The following MUC4 variants were observed in gnomAD, a reference collection of about 807,000 sequenced individuals.
MUC4 encodes the protein mucin-4.
A neutral mutation model predicts 257.9 loss-of-function variants in MUC4; 202 were observed. That is an observed-to-expected ratio of 0.78 (90% confidence interval 0.70 to 0.88). MUC4 has a LOEUF of 0.88. Ranked by LOEUF, MUC4 falls within the 40% of genes least tolerant of loss-of-function variation. The pLI, the probability that MUC4 is intolerant of heterozygous loss-of-function variation, is 0.00. For missense variants in MUC4, 5,976 were observed against 6,513.7 expected (o/e 0.92, Z 2.84); for synonymous variants, 2,351 against 2,757.1 (o/e 0.85, Z 4.62).
At chr3:195,758,376 A>C (rs1718077524) in intron 17 of MUC4, among the ~76,000 whole-genome samples, 1 of 152,202 alleles carries the variant, frequency 6.6e-6, no homozygotes, top group Non-Finnish European at 1.5e-5. Context: ...CAAAAAGAGC[A>C]AGAAAGGTAC....
chr3:195,776,894 C>G (rs1424588186), intron 3 of MUC4, among the ~76,000 whole-genome samples: 104 of 3,026 alleles, frequency 0.034, 46 homozygotes, highest in African/African-American at 0.11. Context: ...ACCTTCCACA[C>G]CCTTACCTTC....
rs1281944451 is a variant in MUC4, at chr3:195,789,791, A to G, written c.1789T>C (p.Ser597Pro). 1 of 1,613,906 alleles carries G rather than the reference A, an allele frequency of 6.2e-7. No individual in the cohort carries two copies. The highest frequency in any genetic ancestry group is 8.5e-7 in the Non-Finnish European group (1 of 1,179,840). The change falls in exon 2 of 25, where the codon TCT (serine) becomes CCT (proline). Residue 597 changes from serine to proline, a missense_variant. This residue lies in a region of MUC4 where 1,583 missense variants were observed against 1,257.4 expected (regional missense o/e 1.26). Coordinates refer to ENST00000463781, the MANE Select transcript of MUC4 (RefSeq NM_018406.7). ...TGTCTATCCAGCATAGGTGAAGAAG[A>G]TGGGGATGTGGCCGTTTTTATCATC... ...TQMIKTATSP[S>P]SSPMLDRHTS...
intron 6 of MUC4, chr3:195,769,385 C>T: frequency 1.9e-6 from 1 of 533,608 alleles, no homozygotes; most frequent in Non-Finnish European, 3.3e-6. Context: ...TGGTGACTTT[C>T]TTCCAGGAGG....
At chr3:195,753,299 C>T (rs532802245) in intron 19 of MUC4, 69 bp from the exon 20 acceptor site, 2 of 1,496,204 alleles carry the variant, frequency 1.3e-6, no homozygotes, top group Admixed American at 1.8e-5. Context: ...CCCGTGGAAA[C>T]CCGCTCCGGG....
In MUC4 at chr3:195,802,298, C is replaced by T. The variant is rs76297310; in HGVS notation, c.82+9438G>A. ...TTCCTCCCAAGTGTTCACCCCATCG[C>T]GTCCTCTTGTTTGCTTTGCCACATC... On this transcript the variant is annotated intron_variant, in intron 1 of 24. Transcript: ENST00000463781. Among the ~76,000 whole-genome samples the T allele has an allele frequency of 1.5e-3, 221 of 150,800 alleles. 1 individual carries two copies. The highest frequency in any genetic ancestry group is 5.2e-3 in the African/African-American group (214 of 41,122).
At chr3:195,808,519 T>C (rs990543921) in intron 1 of MUC4, among the ~76,000 whole-genome samples, 1 of 152,216 alleles carries the variant, frequency 6.6e-6, no homozygotes, top group Non-Finnish European at 1.5e-5. Flanking sequence ...ATGCCTTTTC[T>C]ACTTTACACC....
chr3:195,763,007 C>A, intron 12 of MUC4, 62 bp from the exon 13 acceptor site: 2 of 1,341,532 alleles, frequency 1.5e-6, no homozygotes, highest in South Asian at 1.3e-5. Context: ...CCCAGGAAAG[C>A]AGCTGGGAGA....
At position 195,767,904 on chromosome 3, in the gene MUC4, CCAT is replaced by C. The variant is rs1721856937; in HGVS notation, c.13529+1115_13529+1117del. ...ACCACCATCACCACCACCATCACCACCATCACCATCGCCACTGCCACCTCCACC... is the reference window on the plus strand; with the variant it reads ...ACCACCATCACCACCACCATCACCACCACCATCGCCACTGCCACCTCCACC... On this transcript the variant is annotated intron_variant, in intron 7 of 24. Transcript: ENST00000463781. Among the ~76,000 whole-genome samples, 4 of 134,178 alleles carry C rather than the reference CCAT, an allele frequency of 3.0e-5. No homozygotes were observed. The South Asian group carries it at 6.5e-4, about 22-fold the overall frequency. 88.0% of individuals were successfully genotyped at this position (134,178 alleles called of 152,430 possible).
At position 195,757,030 on chromosome 3, in the gene MUC4, G is replaced by T; in HGVS notation, c.15168+117C>A. The T allele has an allele frequency of 9.4e-7, 1 of 1,064,662 alleles. No homozygotes were observed. Among genetic ancestry groups the T allele is most frequent in the Non-Finnish European group, 1.4e-6 (1 of 725,086 alleles). 66.0% of individuals were successfully genotyped at this position (1,064,662 alleles called of 1,614,324 possible). A position where few individuals can be genotyped will look rare whatever the true frequency, so the allele number is the denominator to read the frequency against. ...GAATCTGCTCTACTCACCTACCACT[G>T]CTCCACCCATCTCCCAACACAGACA... On this transcript the variant is annotated intron_variant, in intron 18 of 24. Transcript: ENST00000463781. The surrounding 1 kb of genome is among the most constrained non-coding windows in gnomAD (Gnocchi z 4.8).
intron 20 of MUC4, 29 bp downstream of exon 20, chr3:195,753,022 G>A (rs895484558): frequency 6.3e-7 from 1 of 1,597,194 alleles, no homozygotes; most frequent in East Asian, 2.2e-5. Flanking sequence ...AAGAGTGCGG[G>A]GGTGAGAGGG....
intron 5 of MUC4, 87 bp from the exon 6 acceptor site, chr3:195,770,458 C>G: frequency 6.8e-7 from 1 of 1,473,434 alleles, no homozygotes; most frequent in South Asian, 1.2e-5. Context: ...GGACCCTGCC[C>G]ACTTCAGCCC....
Position 195,748,186 on chromosome 3 carries a change from G to T in MUC4, c.16034+716C>A, listed in dbSNP as rs566409581. The stretch of plus-strand genomic sequence containing the variant: ...GCAAAGGCGCCTCGCTTGACTGAGG[G>T]GCAGGACTGGCCTAGACACAGGACT... On this transcript the variant is annotated intron_variant, in intron 24 of 24. Transcript: ENST00000463781. 1.6e-3 allele frequency among the ~76,000 whole-genome samples: 242 copies of T among 152,372 alleles called. 1 individual carries two copies. Among genetic ancestry groups the T allele is most frequent in the Middle Eastern group, 0.01 (3 of 294 alleles).
intron 1 of MUC4, among the ~76,000 whole-genome samples, chr3:195,811,331 G>A (rs1004672496): frequency 3.3e-5 from 5 of 151,854 alleles, no homozygotes; most frequent in East Asian, 1.9e-4. Context: ...GGCCCACCAC[G>A]ACCGGCTAAT....
At position 195,809,075 on chromosome 3, in the gene MUC4, C is replaced by G. The variant is rs112223396; in HGVS notation, c.82+2661G>C. Among the ~76,000 whole-genome samples the G allele has an allele frequency of 5.1e-4, 78 of 152,318 alleles. 1 individual carries two copies. The highest frequency in any genetic ancestry group is 9.3e-4 in the Non-Finnish European group (63 of 68,016). ...CTTTCCCTGTGGCATGGAACCAGGA[C>G]GGCCAGGCTTCCTTCTGAGTCATTC... On this transcript the variant is annotated intron_variant, in intron 1 of 24. Coordinates refer to ENST00000463781, the MANE Select transcript of MUC4 (RefSeq NM_018406.7).
At chr3:195,756,724 G>A (rs543545352) in intron 18 of MUC4, among the ~76,000 whole-genome samples, 6 of 150,000 alleles carry the variant, frequency 4.0e-5, no homozygotes, top group African/African-American at 9.8e-5. Context: ...GTACAATGGC[G>A]CAATCTTGGC....
intron 21 of MUC4, 179 bp downstream of exon 21, chr3:195,752,194 G>A: frequency 1.6e-6 from 1 of 627,918 alleles, no homozygotes; most frequent in Non-Finnish European, 2.8e-6. Flanking sequence ...CGAGGTTTCT[G>A]TCTTGGGCCT....
intron 17 of MUC4, 144 bp downstream of exon 17, chr3:195,758,980 C>T: frequency 8.4e-7 from 1 of 1,191,440 alleles, no homozygotes. Flanking sequence ...GATATCGCTC[C>T]TCGGAAATGC....
intron 12 of MUC4, 59 bp from the exon 13 acceptor site, chr3:195,763,004 A>G (rs1207461063): frequency 1.5e-6 from 2 of 1,368,242 alleles, no homozygotes; most frequent in Non-Finnish European, 2.0e-6. Flanking sequence ...ACGCCCAGGA[A>G]AGCAGCTGGG....
Position 195,780,897 on chromosome 3 carries a change from T to G in MUC4, c.10683A>C (p.Ala3561=). ...GAAGAGGGGTGGCCTGACCTGTGGA[T>G]GCCGAGGAAGCGTCGGTGACAGGAA... ...TPLPVTDASS[A]STGQATPLPV... The change falls in exon 2 of 25, where the codon GCA becomes GCC. Residue 3561 remains alanine (A), a synonymous_variant. Coordinates refer to ENST00000463781, the MANE Select transcript of MUC4 (RefSeq NM_018406.7). 4.6e-6 allele frequency: 7 copies of G among 1,510,100 alleles called. 1 individual carries two copies. Among genetic ancestry groups the G allele is most frequent in the Non-Finnish European group, 5.3e-6 (6 of 1,124,494 alleles). The allele number at this position is 1,510,100 out of a possible 1,614,324, so 93.5% of individuals were successfully genotyped here. A position where few individuals can be genotyped will look rare whatever the true frequency, so the allele number is the denominator to read the frequency against.
Sources: allele counts gnomAD v4.1 joint callset (sites outside exome capture counted in the v4.1 genomes callset), GRCh38; gene constraint gnomAD v4.1.1; regional missense constraint gnomAD v4.1.1; non-coding constraint Gnocchi (gnomAD v3.1); transcripts MANE v1.5; gene names NCBI Gene and HGNC (gene_info 2026-07-23, HGNC 2026-07-21).